The following SLC4A4 variants were observed in gnomAD, a reference collection of about 807,000 sequenced individuals.
The protein encoded by SLC4A4 is electrogenic sodium bicarbonate cotransporter 1.
A neutral mutation model predicts 111.5 loss-of-function variants in SLC4A4; 27 were observed. The observed-to-expected ratio is 0.24, with a 90% confidence interval of 0.18 to 0.33. The LOEUF is 0.33. Ranked by LOEUF, SLC4A4 falls within the 10% of genes least tolerant of loss-of-function variation. SLC4A4 has a pLI of 1.00. For missense variants in SLC4A4, 909 were observed against 1,315.5 expected, an observed-to-expected ratio of 0.69 and a Z score of 4.78; for synonymous variants, 443 against 463.4, an observed-to-expected ratio of 0.96 and a Z score of 0.57.
chr4:71,494,082 T>C (rs1260962465), intron 15 of SLC4A4, among the ~76,000 whole-genome samples: 1 of 152,008 alleles, frequency 6.6e-6, no homozygotes, highest in Non-Finnish European at 1.5e-5. Flanking sequence ...AATGATCAGC[T>C]CTTTCCTGAT....
chr4:71,566,972 C>T, intron 24 of SLC4A4, 32 bp from the exon 25 acceptor site: 1 of 1,563,026 alleles, frequency 6.4e-7, no homozygotes, highest in Non-Finnish European at 8.8e-7. Flanking sequence ...AAAGATCTAC[C>T]ATTTATGTTT....
chr4:71,252,716 G>A lies in SLC4A4; in HGVS notation c.74-2504G>A, dbSNP rs558526318. On this transcript the variant is annotated intron_variant, in intron 2 of 25. Transcript: ENST00000264485. Reference sequence around the variant, plus strand: ...AGGCCATCACTAAGAGTTTTAAAACGTGGTCAAGAGTGGTTGCATTAGACA... The same window carrying A: ...AGGCCATCACTAAGAGTTTTAAAACATGGTCAAGAGTGGTTGCATTAGACA... Among the ~76,000 whole-genome samples the A allele has an allele frequency of 1.1e-3, 160 of 152,282 alleles. 1 individual carries two copies. The highest frequency in any genetic ancestry group is 1.8e-3 in the Non-Finnish European group (120 of 68,030).
intron 4 of SLC4A4, among the ~76,000 whole-genome samples, chr4:71,344,423 T>C (rs1729150235): frequency 6.6e-6 from 1 of 152,120 alleles, no homozygotes; most frequent in Non-Finnish European, 1.5e-5. Flanking sequence ...CCAGATATGA[T>C]AGTTTTTTCC....
chr4:71,309,758 A>C (rs973016943), intron 3 of SLC4A4, among the ~76,000 whole-genome samples: 2 of 152,030 alleles, frequency 1.3e-5, no homozygotes, highest in Admixed American at 6.6e-5. Context: ...AATTCCCAAA[A>C]CCAGAATGCC....
chr4:71,405,967 G>A lies in SLC4A4; in HGVS notation c.807+8314G>A, dbSNP rs370396811. 5.6e-3 allele frequency among the ~76,000 whole-genome samples: 852 copies of A among 152,130 alleles called. 9 individuals carry two copies. Among genetic ancestry groups the A allele is most frequent in the South Asian group, 0.053 (256 of 4,808 alleles). ...TGGCCATATACTTGCTTTGACTGAA[G>A]ATGTTGCTGTTCCCAGCTCTGAGAG... is the stretch of plus-strand genomic sequence containing the variant. On this transcript the variant is annotated intron_variant, in intron 7 of 25. Transcript: ENST00000264485.
At chr4:71,137,645 C>T (rs1214635042) in intron 2 of SLC4A4, among the ~76,000 whole-genome samples, 1 of 152,174 alleles carries the variant, frequency 6.6e-6, no homozygotes, top group Non-Finnish European at 1.5e-5. Context: ...AGCCAACAAT[C>T]TTAGGATAGA....
At chr4:71,516,944 C>A (rs1221779620) in intron 16 of SLC4A4, among the ~76,000 whole-genome samples, 1 of 152,122 alleles carries the variant, frequency 6.6e-6, no homozygotes, top group Admixed American at 6.5e-5. Context: ...GATTGTAAAG[C>A]TTTTGGTGCA....
At chr4:71,382,476 T>G (rs1473581367) in intron 6 of SLC4A4, among the ~76,000 whole-genome samples, 3 of 152,330 alleles carry the variant, frequency 2.0e-5, no homozygotes, top group Admixed American at 2.0e-4. Context: ...TGAGCATCTG[T>G]GTACTTGGGT....
chr4:71,062,944 T>G (rs1741427402), intron 1 of SLC4A4, among the ~76,000 whole-genome samples: 5 of 152,160 alleles, frequency 3.3e-5, no homozygotes, highest in Non-Finnish European at 1.5e-5. Flanking sequence ...GAAATACTAA[T>G]CTAGAAAAAG....
rs1484692699 is a variant in SLC4A4 at position 71,101,175 on chromosome 4, C to T, written c.-2+8383C>T. On this transcript the variant is annotated intron_variant, in intron 2 of 26. Transcript: ENST00000649996. ...TCGGGAGGCTGAGGCAGGAGAATGG[C>T]TTGAACGCAAGAAGTGGAGCTTGCA... is the stretch of plus-strand genomic sequence containing the variant. 2.0e-5 allele frequency among the ~76,000 whole-genome samples: 3 copies of T among 152,270 alleles called. No homozygotes were observed. In the East Asian group the frequency reaches 5.8e-4, roughly 29 times the overall value.
chr4:71,423,192 T>C (rs1040082768), intron 7 of SLC4A4, among the ~76,000 whole-genome samples: 7 of 152,064 alleles, frequency 4.6e-5, no homozygotes, highest in African/African-American at 1.7e-4. Flanking sequence ...TATACACCAA[T>C]AACAGACAAA....
rs566230178 is a variant in SLC4A4 at position 71,231,566 on chromosome 4, C to T, written c.-1-5010C>T. Among the ~76,000 whole-genome samples, 33 of 152,274 alleles carry T rather than the reference C, an allele frequency of 2.2e-4. 1 individual carries two copies. Among genetic ancestry groups the T allele is most frequent in the South Asian group, 8.3e-4 (4 of 4,830 alleles). Reference sequence around the variant, plus strand: ...TTCTGTAGAAAGGGTATAACTTGTACGGTCAGAGGCCTGGCTGAAGGAAGG... The same window carrying T: ...TTCTGTAGAAAGGGTATAACTTGTATGGTCAGAGGCCTGGCTGAAGGAAGG... On this transcript the variant is annotated intron_variant, in intron 1 of 25. Transcript: ENST00000264485.
At chr4:71,504,667 G>T (rs529472474) in intron 16 of SLC4A4, among the ~76,000 whole-genome samples, 1 of 52,234 alleles carries the variant, frequency 1.9e-5, no homozygotes, top group African/African-American at 2.1e-4. Flanking sequence ...GTTTCATGGG[G>T]GGGGGGGTGT....
chr4:71,421,098 G>A lies in SLC4A4; in HGVS notation c.808-19518G>A, dbSNP rs1360187862. On this transcript the variant is annotated intron_variant, in intron 7 of 25. Coordinates refer to ENST00000264485, the MANE Select transcript of SLC4A4 (RefSeq NM_001098484.3). ...GCTGTATTCAGGAAACCCATCTCAC[G>A]TGCAGAGACACACATAGGCTCAAAA... is the stretch of plus-strand genomic sequence containing the variant. Among the ~76,000 whole-genome samples the A allele has an allele frequency of 6.0e-5, 9 of 149,596 alleles. No homozygotes were observed. The South Asian group carries it at 1.3e-3, about 22-fold the overall frequency.
intron 3 of SLC4A4, among the ~76,000 whole-genome samples, chr4:71,307,001 T>C (rs965251873): frequency 1.3e-5 from 2 of 152,224 alleles, no homozygotes; most frequent in Admixed American, 1.3e-4. Flanking sequence ...TTTTCTTCAC[T>C]CTTTATTAAT....
At chr4:71,492,488 T>G (rs1242440493) in intron 15 of SLC4A4, among the ~76,000 whole-genome samples, 1 of 151,952 alleles carries the variant, frequency 6.6e-6, no homozygotes, top group East Asian at 1.9e-4. Flanking sequence ...CCTCAGCAAC[T>G]TGATCATTTT....
rs535938025 is a variant in SLC4A4 at position 71,328,407 on chromosome 4, G to C, written c.254-10963G>C. Among the ~76,000 whole-genome samples, 6 of 151,902 alleles carry C rather than the reference G, an allele frequency of 3.9e-5. 1 individual carries two copies. In the South Asian group the frequency reaches 1.2e-3, roughly 32 times the overall value. On this transcript the variant is annotated intron_variant, in intron 3 of 25. Transcript: ENST00000264485. ...TTTTGGTTTTTTGAGAAACTTCCAC[G>C]CTATTCTCCATAGTGGCTATACATT...
At chr4:71,151,403 A>G (rs773272028) in intron 2 of SLC4A4, among the ~76,000 whole-genome samples, 3 of 151,748 alleles carry the variant, frequency 2.0e-5, no homozygotes, top group Non-Finnish European at 2.9e-5. Flanking sequence ...TGACCTGCTG[A>G]CCTCTTCTGA....
Position 71,568,416 on chromosome 4 carries a change from AAAG to A in SLC4A4, c.*671_*673del, listed in dbSNP as rs934830279. On this transcript the variant is annotated 3_prime_UTR_variant, in exon 26 of 26. Transcript: ENST00000264485. ...GTAAATCCTAATCTTAGAGTTATCA[AAAG>A]AAGAAAAAACTGAAGGTACTTTACT... 6.6e-6 allele frequency: 1 copy of A among 152,222 alleles called. No homozygotes were observed. Among genetic ancestry groups the A allele is most frequent in the African/African-American group, 2.4e-5 (1 of 41,334 alleles). 9.4% of individuals were successfully genotyped at this position (152,222 alleles called of 1,614,324 possible). A position where few individuals can be genotyped will look rare whatever the true frequency, so the allele number is the denominator to read the frequency against.
Sources: gnomAD v4.1 joint callset for allele counts (sites outside exome capture counted in the v4.1 genomes callset) on GRCh38, gnomAD v4.1.1 for gene constraint, MANE v1.5 for transcripts, NCBI Gene and HGNC (gene_info 2026-07-23, HGNC 2026-07-21) for gene names.